CSMD1: variants seen among roughly 807,000 people sequenced by gnomAD.
The protein encoded by CSMD1 is CUB and sushi domain-containing protein 1.
Under a neutral mutation model 417.5 loss-of-function variants are expected in CSMD1, and 213 were observed. The ratio of observed to expected loss-of-function variants is 0.51; its 90% confidence interval spans 0.46 to 0.57. CSMD1 has a LOEUF of 0.57. Among genes scored for constraint, CSMD1 ranks in the 20% least tolerant of loss-of-function variants. The probability of loss-of-function intolerance (pLI) is 0.00; values close to 1 mark genes in which losing one functional copy is unlikely to be tolerated. For missense variants in CSMD1, 6,923 were observed against 4,529.7 expected, an observed-to-expected ratio of 1.53 and a Z score of -15.17; for synonymous variants, 2,862 against 1,736.8, an observed-to-expected ratio of 1.65 and a Z score of -16.11.
At position 4,032,117 on chromosome 8, in the gene CSMD1, G is replaced by T; in HGVS notation, c.416-18C>A. ...AGGTAAAACTATTGGAAAAAGAAAA[G>T]AAAGGAGAAAAAACAAGTTAAATTT... On this transcript the variant is annotated intron_variant, in intron 3 of 69. Coordinates refer to ENST00000635120, the MANE Select transcript of CSMD1 (RefSeq NM_033225.6). The T allele has an allele frequency of 6.4e-7, 1 of 1,570,556 alleles. No homozygotes were observed. Among genetic ancestry groups the T allele is most frequent in the Non-Finnish European group, 8.7e-7 (1 of 1,151,924 alleles).
intron 1 of CSMD1, among the ~76,000 whole-genome samples, chr8:4,647,500 G>T (rs151043261): frequency 1.3e-5 from 2 of 149,614 alleles, no homozygotes; most frequent in Non-Finnish European, 2.9e-5. Flanking sequence ...GGTTTGTTAC[G>T]TAGGTACGCG....
rs551357536 is a variant in CSMD1, at chr8:4,026,346, G to A, written c.610+5559C>T. On this transcript the variant is annotated intron_variant, in intron 4 of 69. Coordinates refer to ENST00000635120, the MANE Select transcript of CSMD1 (RefSeq NM_033225.6). ...TGTAAATGTAATAATCTATAATACA[G>A]AAGAACAAAGTTTCCTGTGATAAAA... Among the ~76,000 whole-genome samples the A allele has an allele frequency of 4.6e-5, 7 of 152,260 alleles. No homozygotes were observed. In the East Asian group the frequency reaches 1.4e-3, roughly 29 times the overall value.
chr8:3,686,761 G>A (rs145819421), intron 7 of CSMD1, among the ~76,000 whole-genome samples: 1 of 152,322 alleles, frequency 6.6e-6, no homozygotes, highest in East Asian at 1.9e-4. Context: ...GTCCAAGCCA[G>A]TCTATCAGTG....
chr8:3,018,946 C>T (rs1809115159), intron 51 of CSMD1, among the ~76,000 whole-genome samples: 1 of 152,122 alleles, frequency 6.6e-6, no homozygotes, highest in Admixed American at 6.6e-5. Context: ...GGCATGGAGT[C>T]TTACTCTGTT....
At chr8:4,598,736 A>G (rs1800415787) in intron 2 of CSMD1, among the ~76,000 whole-genome samples, 1 of 152,212 alleles carries the variant, frequency 6.6e-6, no homozygotes, top group African/African-American at 2.4e-5. Context: ...TACTCAGTTT[A>G]TGTTTATTGA....
At position 4,745,030 on chromosome 8, in the gene CSMD1, G is replaced by A. The variant is rs143624461; in HGVS notation, c.86-107472C>T. 7.2e-5 allele frequency among the ~76,000 whole-genome samples: 11 copies of A among 152,116 alleles called. No individual in the cohort carries two copies. In the East Asian group the frequency reaches 1.9e-3, roughly 27 times the overall value. ...TATCATAATAAACTTGTGTTAAATT[G>A]AACTAATATATATTCTTTTTTATAT... On this transcript the variant is annotated intron_variant, in intron 1 of 69. Coordinates refer to ENST00000635120, the MANE Select transcript of CSMD1 (RefSeq NM_033225.6).
intron 2 of CSMD1, among the ~76,000 whole-genome samples, chr8:4,613,978 G>A (rs1488903613): frequency 1.3e-5 from 2 of 151,906 alleles, no homozygotes; most frequent in Admixed American, 1.3e-4. Context: ...AATCTTCATG[G>A]AAAATAAAGA....
chr8:4,637,759 T>C (rs529933869), intron 1 of CSMD1, among the ~76,000 whole-genome samples: 24 of 142,350 alleles, frequency 1.7e-4, no homozygotes, highest in South Asian at 2.4e-4. Flanking sequence ...CAAGCTCCGC[T>C]TCCCGGGTTC....
At chr8:3,615,576 T>TATACC (rs1166499144) in intron 8 of CSMD1, among the ~76,000 whole-genome samples, 1 of 152,224 alleles carries the variant, frequency 6.6e-6, no homozygotes, top group East Asian at 1.9e-4. Context: ...TGTAAAACAA[T>TATACC]ATACCATTTT....
In CSMD1 at chr8:3,406,165, C is replaced by G; in HGVS notation, c.2128G>C (p.Gly710Arg). Reference sequence around the variant, plus strand: ...GAGCTCCCGAGTAGAAACCTGTCACCAAAACGTCGTCCGTTTATAGGAATG... The same window carrying G: ...GAGCTCCCGAGTAGAAACCTGTCACGAAAACGTCGTCCGTTTATAGGAATG... ...PGIPINGRRF[G>R]DRFLLGSSVS... is the part of the protein sequence containing the mutation. The change falls in exon 15 of 70, where the codon GGT becomes CGT. Residue 710 changes from glycine (G) to arginine (R), a missense_variant. Gly to Arg is a moderately radical substitution (Grantham distance 125, BLOSUM62 -2). Transcript: ENST00000635120. 2 of 1,613,132 alleles carry G rather than the reference C, an allele frequency of 1.2e-6. No individual in the cohort carries two copies. Among genetic ancestry groups the G allele is most frequent in the Non-Finnish European group, 1.7e-6 (2 of 1,179,560 alleles).
At chr8:4,220,999 A>G (rs551356757) in intron 3 of CSMD1, among the ~76,000 whole-genome samples, 5 of 152,216 alleles carry the variant, frequency 3.3e-5, no homozygotes, top group Non-Finnish European at 7.3e-5. Flanking sequence ...CTCCTCTGCC[A>G]TGCCATGTGC....
chr8:3,531,700 G>T (rs368164314), intron 10 of CSMD1, among the ~76,000 whole-genome samples: 8 of 152,166 alleles, frequency 5.3e-5, no homozygotes. Flanking sequence ...GTCCTCAGCA[G>T]AACTTCCCTT....
At chr8:4,418,286 A>G (rs1249905731) in intron 3 of CSMD1, among the ~76,000 whole-genome samples, 1 of 152,146 alleles carries the variant, frequency 6.6e-6, no homozygotes, top group Non-Finnish European at 1.5e-5. Flanking sequence ...CATTTTCTAG[A>G]AAGTTTTTCA....
chr8:3,595,522 T>C (rs1032772994), intron 8 of CSMD1, among the ~76,000 whole-genome samples: 2 of 152,108 alleles, frequency 1.3e-5, no homozygotes, highest in African/African-American at 4.8e-5. Context: ...GAAACTAATA[T>C]TTTATGTGAT....
chr8:3,820,775 G>T (rs1468361329), intron 5 of CSMD1, among the ~76,000 whole-genome samples: 3 of 151,978 alleles, frequency 2.0e-5, no homozygotes, highest in African/African-American at 7.3e-5. Flanking sequence ...TTAGTGATGG[G>T]GTTTCGCCAT....
At chr8:4,448,795 A>C (rs1425233135) in intron 2 of CSMD1, among the ~76,000 whole-genome samples, 1 of 152,210 alleles carries the variant, frequency 6.6e-6, no homozygotes, top group Non-Finnish European at 1.5e-5. Flanking sequence ...TCATCTGCAG[A>C]AGGAGACAGA....
intron 5 of CSMD1, among the ~76,000 whole-genome samples, chr8:3,865,017 TCTC>T (rs540531074): frequency 1.3e-3 from 202 of 152,294 alleles, no homozygotes; most frequent in Non-Finnish European, 2.2e-3. Context: ...TGCTAGCTAA[TCTC>T]CTAATTTGTC....
chr8:4,484,953 C>T (rs1357012381), intron 2 of CSMD1, among the ~76,000 whole-genome samples: 2 of 123,734 alleles, frequency 1.6e-5, no homozygotes, highest in Non-Finnish European at 3.2e-5. Context: ...AGCACTCCAA[C>T]CTGGTTGACA....
At chr8:4,154,254 C>G (rs1376159792) in intron 3 of CSMD1, among the ~76,000 whole-genome samples, 1 of 150,034 alleles carries the variant, frequency 6.7e-6, no homozygotes, top group Non-Finnish European at 1.5e-5. Context: ...AAGTTTCTGG[C>G]AAACAGTAAT....
Sources: gnomAD v4.1 joint callset for allele counts (sites outside exome capture counted in the v4.1 genomes callset) on GRCh38, gnomAD v4.1.1 for gene constraint, MANE v1.5 for transcripts, NCBI Gene and HGNC (gene_info 2026-07-23, HGNC 2026-07-21) for gene names.